The following DR1 variants were observed in gnomAD, a reference collection of about 807,000 sequenced individuals.
The protein encoded by DR1 is protein Dr1.
In DR1, 7 loss-of-function variants were observed where a neutral mutation model predicts 19.9. That is an observed-to-expected ratio of 0.35 (90% CI 0.20 to 0.66). DR1 has a LOEUF of 0.66. Ranked by LOEUF, DR1 falls within the 30% of genes least tolerant of loss-of-function variation. The probability of loss-of-function intolerance (pLI) is 0.66; values close to 1 mark genes in which losing one functional copy is unlikely to be tolerated. For synonymous variants in DR1, 76 were observed against 72.5 expected (o/e 1.05, Z -0.24); for missense variants, 98 against 203.7 (o/e 0.48, Z 3.16).
chr1:93,351,253 C>G (rs901627160), intron 1 of DR1, among the ~76,000 whole-genome samples: 15 of 151,838 alleles, frequency 9.9e-5, no homozygotes, highest in Non-Finnish European at 4.4e-5. Context: ...CCTTTTCAAC[C>G]ATTTTGTTGA....
chr1:93,351,077 T>C (rs1407284707), intron 1 of DR1, among the ~76,000 whole-genome samples: 1 of 152,204 alleles, frequency 6.6e-6, no homozygotes, highest in Non-Finnish European at 1.5e-5. Flanking sequence ...CTTTATCCTT[T>C]AATATTCTCT....
In DR1 at chr1:93,364,130, AC is replaced by A. The variant is rs928813285; in HGVS notation, c.*3492del. The stretch of plus-strand genomic sequence containing the variant: ...TTAATGTGTAGCATAAAAATGAATT[AC>A]GCTAATGATCTTAGTGGGTTGAATT... On this transcript the variant is annotated 3_prime_UTR_variant, in exon 3 of 3. Transcript: ENST00000370272. 2.0e-5 allele frequency: 3 copies of A among 152,200 alleles called. No individual in the cohort carries two copies. The highest frequency in any genetic ancestry group is 7.2e-5 in the African/African-American group (3 of 41,448). 9.4% of individuals were successfully genotyped at this position (152,200 alleles called of 1,614,324 possible).
chr1:93,352,826 A>G (rs747297258), intron 1 of DR1, among the ~76,000 whole-genome samples: 12 of 152,060 alleles, frequency 7.9e-5, no homozygotes, highest in Admixed American at 2.6e-4. Context: ...TTTAAATACT[A>G]TGACCCAAAA....
rs8561 is a variant in DR1, at chr1:93,360,898, G to A, written c.*259G>A. 15,590 of 351,356 alleles carry A rather than the reference G, an allele frequency of 0.044. 2,147 individuals are homozygous for A. Among genetic ancestry groups the A allele is most frequent in the African/African-American group, 0.3 (13,909 of 46,166 alleles). The allele number at this position is 351,356 out of a possible 1,614,324, so 21.8% of individuals were successfully genotyped here. ...TGTTTATGAAATTTTAGATAGCAGC[G>A]AGTCCTTCGTTTGATCAATAAACAG... is the stretch of plus-strand genomic sequence containing the variant. On this transcript the variant is annotated 3_prime_UTR_variant, in exon 3 of 3. Transcript: ENST00000370272.
intron 2 of DR1, among the ~76,000 whole-genome samples, chr1:93,357,501 A>G (rs960040217): frequency 7.0e-6 from 1 of 141,858 alleles, no homozygotes; most frequent in Non-Finnish European, 1.5e-5. Flanking sequence ...TGGACAACAT[A>G]GCAAGACCCC....
chr1:93,352,133 A>C (rs916251766), intron 1 of DR1, among the ~76,000 whole-genome samples: 8 of 152,162 alleles, frequency 5.3e-5, no homozygotes, highest in Non-Finnish European at 7.3e-5. Flanking sequence ...GCAGTGCCAC[A>C]GTCATAGTTT....
chr1:93,358,370 TTTTCTCTTAC>T (rs2101639213), intron 2 of DR1, among the ~76,000 whole-genome samples: 1 of 151,872 alleles, frequency 6.6e-6, no homozygotes, highest in East Asian at 1.9e-4. Flanking sequence ...AGAGAAAGGG[TTTTCTCTTAC>T]TTTCTCTTGT....
At position 93,346,381 on chromosome 1, in the gene DR1, G is replaced by A. The variant is rs2101633827; in HGVS notation, c.-265G>A. On this transcript the variant is annotated 5_prime_UTR_variant, in exon 1 of 3. Coordinates refer to ENST00000370272, the MANE Select transcript of DR1 (RefSeq NM_001938.3). The stretch of plus-strand genomic sequence containing the variant: ...CAGCCGCTCAAATTTCCGGACCACC[G>A]CGCTTTCCCCTCCTCAGCCTGGGCT... The A allele has an allele frequency of 2.1e-6, 1 of 471,244 alleles. No homozygotes were observed. Among genetic ancestry groups the A allele is most frequent in the Non-Finnish European group, 3.9e-6 (1 of 258,094 alleles). The allele number at this position is 471,244 out of a possible 1,614,324, so 29.2% of individuals were successfully genotyped here.
intron 1 of DR1, among the ~76,000 whole-genome samples, chr1:93,350,258 A>G (rs1430488930): frequency 6.6e-6 from 1 of 152,180 alleles, no homozygotes; most frequent in African/African-American, 2.4e-5. Flanking sequence ...CTTCTCTGCC[A>G]TTAGTCTCTC....
In DR1 at chr1:93,353,985, A is replaced by G; in HGVS notation, c.298A>G (p.Lys100Glu). The change falls in exon 2 of 3, where the codon AAA becomes GAA. Residue 100 changes from lysine (K) to glutamate (E), a missense_variant. Physicochemically the swap from Lys to Glu is moderately conservative, Grantham distance 56. Transcript: ENST00000370272. Reference protein sequence around the residue: ...VLQECKTVALKRRKASSRLEN... With the variant: ...VLQECKTVALERRKASSRLEN... ...GCAAGAGTGTAAAACAGTAGCATTA[A>G]AAAGAAGAAAGGCCAGTTCTCGTTT... 1.2e-6 allele frequency: 2 copies of G among 1,613,958 alleles called. No homozygotes were observed. The highest frequency in any genetic ancestry group is 1.7e-6 in the Non-Finnish European group (2 of 1,179,876).
rs1326482323 is a variant in DR1 at position 93,362,844 on chromosome 1, T to C, written c.*2205T>C. 2.1e-5 allele frequency: 3 copies of C among 145,728 alleles called. No homozygotes were observed. Among genetic ancestry groups the C allele is most frequent in the Admixed American group, 6.8e-5 (1 of 14,666 alleles). The allele number at this position is 145,728 out of a possible 1,614,324, so 9.0% of individuals were successfully genotyped here. Reference sequence around the variant, plus strand: ...GTTTTTTCTTTTTTTTTTTTTTTTTTTTTTTTTTTTAGCATTTAAGAGTCA... The same window carrying C: ...GTTTTTTCTTTTTTTTTTTTTTTTTCTTTTTTTTTTAGCATTTAAGAGTCA... On this transcript the variant is annotated 3_prime_UTR_variant, in exon 3 of 3. Coordinates refer to ENST00000370272, the MANE Select transcript of DR1 (RefSeq NM_001938.3).
Position 93,360,858 on chromosome 1 carries a change from T to C in DR1, c.*219T>C. 2.1e-6 allele frequency: 1 copy of C among 476,144 alleles called. No homozygotes were observed. The highest frequency in any genetic ancestry group is 3.9e-5 in the South Asian group (1 of 25,836). The allele number at this position is 476,144 out of a possible 1,614,324, so 29.5% of individuals were successfully genotyped here. A position where few individuals can be genotyped will look rare whatever the true frequency, so the allele number is the denominator to read the frequency against. ...TTTAAGGTTCAGTATAATATCAATT[T>C]TGAATTTTTAATGGTGTTTATGAAA... On this transcript the variant is annotated 3_prime_UTR_variant, in exon 3 of 3. Transcript: ENST00000370272.
chr1:93,352,012 A>G (rs1018713414), intron 1 of DR1, among the ~76,000 whole-genome samples: 2 of 152,204 alleles, frequency 1.3e-5, no homozygotes, highest in East Asian at 3.8e-4. Flanking sequence ...AACGCCTTAT[A>G]TTAATTACCT....
Position 93,364,374 on chromosome 1 carries a change from A to AT in DR1, c.*3741dup, listed in dbSNP as rs960256013. ...ATGTTGTGGGAAAATCTGTGATTTA[A>AT]TTTTTTAATTGAATTTTAAATTTTG... On this transcript the variant is annotated 3_prime_UTR_variant, in exon 3 of 3. Coordinates refer to ENST00000370272, the MANE Select transcript of DR1 (RefSeq NM_001938.3). The AT allele has an allele frequency of 6.6e-6, 1 of 152,184 alleles. No individual in the cohort carries two copies. The highest frequency in any genetic ancestry group is 2.4e-5 in the African/African-American group (1 of 41,446). 9.4% of individuals were successfully genotyped at this position (152,184 alleles called of 1,614,324 possible).
intron 2 of DR1, among the ~76,000 whole-genome samples, chr1:93,358,792 A>T (rs1473264698): frequency 6.6e-6 from 1 of 152,170 alleles, no homozygotes; most frequent in African/African-American, 2.4e-5. Flanking sequence ...CTTGTTTAAC[A>T]ATTCTTCGTA....
chr1:93,364,969 T>A lies in DR1; in HGVS notation c.*4330T>A, dbSNP rs1667102536. On this transcript the variant is annotated 3_prime_UTR_variant, in exon 3 of 3. Coordinates refer to ENST00000370272, the MANE Select transcript of DR1 (RefSeq NM_001938.3). Reference sequence around the variant, plus strand: ...CCCGGGTTCACGCCATTCTCCTGCCTCAGCCTCCTGAGTAGCTGGGACTAC... The same window carrying A: ...CCCGGGTTCACGCCATTCTCCTGCCACAGCCTCCTGAGTAGCTGGGACTAC... The A allele has an allele frequency of 6.7e-6, 1 of 148,248 alleles. No individual in the cohort carries two copies. Among genetic ancestry groups the A allele is most frequent in the South Asian group, 2.2e-4 (1 of 4,458 alleles). 9.2% of individuals were successfully genotyped at this position (148,248 alleles called of 1,614,324 possible). A position where few individuals can be genotyped will look rare whatever the true frequency, so the allele number is the denominator to read the frequency against.
intron 1 of DR1, among the ~76,000 whole-genome samples, chr1:93,350,544 A>G (rs1339306529): frequency 6.6e-6 from 1 of 152,218 alleles, no homozygotes; most frequent in Non-Finnish European, 1.5e-5. Context: ...AAAGTGAGTC[A>G]CATAAATTCA....
Position 93,364,807 on chromosome 1 carries a change from G to T in DR1, c.*4168G>T. On this transcript the variant is annotated 3_prime_UTR_variant, in exon 3 of 3. Transcript: ENST00000370272. ...CTTTTTTTTTTTTTTTAAAGAAACA[G>T]GGTCTCACTATGTTTCCTTTTTCTT... 6.7e-6 allele frequency: 1 copy of T among 149,624 alleles called. No individual in the cohort carries two copies. 9.3% of individuals were successfully genotyped at this position (149,624 alleles called of 1,614,324 possible). A position where few individuals can be genotyped will look rare whatever the true frequency, so the allele number is the denominator to read the frequency against.
intron 1 of DR1, among the ~76,000 whole-genome samples, chr1:93,347,656 C>G (rs926124686): frequency 1.3e-5 from 2 of 151,998 alleles, no homozygotes; most frequent in Non-Finnish European, 2.9e-5. Flanking sequence ...TACACTTAGG[C>G]TTTTATGGAA....
Sources: allele counts gnomAD v4.1 joint callset (sites outside exome capture counted in the v4.1 genomes callset), GRCh38; gene constraint gnomAD v4.1.1; transcripts MANE v1.5; gene names NCBI Gene and HGNC (gene_info 2026-07-23, HGNC 2026-07-21).